Variants in E2F2 observed in about 807,000 individuals in gnomAD.
E2F2 encodes the protein transcription factor E2F2.
A neutral mutation model predicts 42.2 loss-of-function variants in E2F2; 22 were observed. The observed-to-expected ratio is 0.52, with a 90% CI of 0.37 to 0.74. The LOEUF is 0.74. Among genes scored for constraint, E2F2 ranks in the 30% least tolerant of loss-of-function variants. The pLI is 0.00. For synonymous variants in E2F2, 248 were observed against 251.6 expected (o/e 0.99, Z 0.13); for missense variants, 481 against 557.8 (o/e 0.86, Z 1.39).
At chr1:23,522,820 C>T (rs1225476406) in intron 2 of E2F2, among the ~76,000 whole-genome samples, 2 of 152,148 alleles carry the variant, frequency 1.3e-5, no homozygotes, top group African/African-American at 2.4e-5. Flanking sequence ...CTTTTGTAAT[C>T]GAGTGACTTC....
At chr1:23,511,276 A>G (rs1642903652) in intron 6 of E2F2, among the ~76,000 whole-genome samples, 1 of 151,132 alleles carries the variant, frequency 6.6e-6, no homozygotes, top group Non-Finnish European at 1.5e-5. Context: ...TGCCCAAGCT[A>G]GAGTACAGAG....
chr1:23,526,706 C>G (rs188622954), intron 1 of E2F2, among the ~76,000 whole-genome samples: 2 of 152,318 alleles, frequency 1.3e-5, no homozygotes, highest in African/African-American at 4.8e-5. Flanking sequence ...AAGGCCGGAG[C>G]CAGGGTTTGA....
chr1:23,523,179 A>C (rs1406798727), intron 2 of E2F2, among the ~76,000 whole-genome samples: 2 of 143,628 alleles, frequency 1.4e-5, no homozygotes, highest in Admixed American at 7.1e-5. Context: ...TTGGAGATGG[A>C]GTCTCACTCT....
chr1:23,523,952 T>C (rs569348379), intron 2 of E2F2, among the ~76,000 whole-genome samples: 8 of 152,130 alleles, frequency 5.3e-5, no homozygotes, highest in Middle Eastern at 3.4e-3. Flanking sequence ...CATGTACCTG[T>C]AGTCCCAGCT....
downstream of E2F2, among the ~76,000 whole-genome samples, chr1:23,505,733 T>C (rs1444863887): frequency 6.6e-6 from 1 of 152,170 alleles, no homozygotes; most frequent in East Asian, 1.9e-4. Flanking sequence ...CAGGATGATC[T>C]CAATCTCCTG....
At position 23,510,009 on chromosome 1, in the gene E2F2, C is replaced by A; in HGVS notation, c.1185G>T (p.Ala395=). The part of the protein sequence containing the change: ...TEDQFLSPTL[A]CSSPLISFSP... ...AGAAGCTGATCAGAGGGGAGCTGCA[C>A]GCCAGGGTCGGGGACAGGAACTGGT... The change falls in exon 7 of 7, where the codon GCG becomes GCT. Residue 395 remains alanine, a synonymous_variant. Coordinates refer to ENST00000361729, the MANE Select transcript of E2F2 (RefSeq NM_004091.4). 1 of 1,613,710 alleles carries A rather than the reference C, an allele frequency of 6.2e-7. No homozygotes were observed. The highest frequency in any genetic ancestry group is 8.5e-7 in the Non-Finnish European group (1 of 1,179,902).
chr1:23,522,267 A>G (rs951473361), intron 2 of E2F2, among the ~76,000 whole-genome samples: 8 of 152,238 alleles, frequency 5.3e-5, no homozygotes, highest in African/African-American at 1.9e-4. Context: ...TCTCACGGCC[A>G]ATGGGCAGTG....
chr1:23,519,527 GAAAAT>G (rs1643094636), intron 4 of E2F2: 1 of 155,272 alleles, frequency 6.4e-6, no homozygotes, highest in Non-Finnish European at 1.4e-5. Context: ...AATGATTTTG[GAAAAT>G]GTATGAAAGA....
intron 6 of E2F2, among the ~76,000 whole-genome samples, chr1:23,511,940 A>G (rs1036389563): frequency 1.3e-5 from 2 of 152,070 alleles, no homozygotes; most frequent in African/African-American, 2.4e-5. Context: ...GCTCATGCCT[A>G]TAATACCAGC....
At position 23,530,665 on chromosome 1, in the gene E2F2, G is replaced by A; in HGVS notation, c.129C>T (p.Thr43=). The A allele has an allele frequency of 1.9e-6, 3 of 1,613,334 alleles. No homozygotes were observed. In the South Asian group the frequency reaches 3.3e-5, roughly 18 times the overall value. The stretch of plus-strand genomic sequence containing the variant: ...TCTGCGGGTACAGCGGTGTGTAGTA[G>A]GTAGCAGTAGCTGGGCAGAGCTGGG... ...SSPQLCPATA[T]YYTPLYPQTA... is the part of the protein sequence containing the mutation. The change falls in exon 1 of 7, where the codon ACC becomes ACT. Residue 43 remains threonine (T), a synonymous_variant. Coordinates refer to ENST00000361729, the MANE Select transcript of E2F2 (RefSeq NM_004091.4). The surrounding 1 kb of genome is among the most constrained non-coding windows in gnomAD (Gnocchi z 4.4).
intron 1 of E2F2, among the ~76,000 whole-genome samples, chr1:23,528,426 G>T (rs952620210): frequency 6.6e-6 from 1 of 152,198 alleles, no homozygotes; most frequent in African/African-American, 2.4e-5. Context: ...CAGAGGGCAG[G>T]CCTGCCCACG....
chr1:23,530,644 C>T lies in E2F2; in HGVS notation c.150G>A (p.Pro50=), dbSNP rs955144521. Residue 50 remains proline, a synonymous_variant, in exon 1 of 7, where the codon CCG becomes CCA. Transcript: ENST00000361729. The surrounding 1 kb of genome is among the most constrained non-coding windows in gnomAD (Gnocchi z 4.4). ...GCGCCGCTGCGGGAGGCGCCGTCTG[C>T]GGGTACAGCGGTGTGTAGTAGGTAG... The part of the protein sequence containing the change: ...ATATYYTPLY[P]QTAPPAAAPG... 2 of 1,613,254 alleles carry T rather than the reference C, an allele frequency of 1.2e-6. No homozygotes were observed. Among genetic ancestry groups the T allele is most frequent in the South Asian group, 1.1e-5 (1 of 91,058 alleles).
At chr1:23,528,472 C>T (rs1480989665) in intron 1 of E2F2, among the ~76,000 whole-genome samples, 5 of 152,158 alleles carry the variant, frequency 3.3e-5, no homozygotes, top group African/African-American at 9.6e-5. Flanking sequence ...TTGACAGGAG[C>T]GGGAGCTCTG....
rs778584443 is a variant in E2F2, at chr1:23,510,135, C to T, written c.1059G>A (p.Ala353=). ...EPTASSVPAP[A]PTPQQAPPPP... The stretch of plus-strand genomic sequence containing the variant: ...GCGGTGGGGCCTGCTGGGGGGTTGG[C>T]GCTGGTGCTGGCACTGGAGACAAAC... Residue 353 remains alanine, a synonymous_variant, in exon 7 of 7, where the codon GCG becomes GCA. Transcript: ENST00000361729. 5.6e-6 allele frequency: 9 copies of T among 1,598,256 alleles called. No individual in the cohort carries two copies. The highest frequency in any genetic ancestry group is 6.8e-6 in the Non-Finnish European group (8 of 1,172,974).
chr1:23,507,990 A>G lies in E2F2; in HGVS notation c.*1890T>C, dbSNP rs149612946. On this transcript the variant is annotated 3_prime_UTR_variant, in exon 7 of 7. Transcript: ENST00000361729. Reference sequence around the variant, plus strand: ...GACCTCAGAGCAGCCCACTCACCACAAACGAGATCCTACACAGGGTCCCTG... The same window carrying G: ...GACCTCAGAGCAGCCCACTCACCACGAACGAGATCCTACACAGGGTCCCTG... 1 of 150,628 alleles carries G rather than the reference A, an allele frequency of 6.6e-6. No individual in the cohort carries two copies. Among genetic ancestry groups the G allele is most frequent in the East Asian group, 2.0e-4 (1 of 5,118 alleles). The allele number at this position is 150,628 out of a possible 1,614,324, so 9.3% of individuals were successfully genotyped here.
At chr1:23,524,104 C>CAAAAA (rs371670414) in intron 2 of E2F2, among the ~76,000 whole-genome samples, 2 of 133,208 alleles carry the variant, frequency 1.5e-5, no homozygotes, top group African/African-American at 5.8e-5. Flanking sequence ...ACAACAACAA[C>CAAAAA]AAAAAAAAAC....
chr1:23,528,643 C>A (rs895543512), intron 1 of E2F2, among the ~76,000 whole-genome samples: 1 of 152,188 alleles, frequency 6.6e-6, no homozygotes, highest in African/African-American at 2.4e-5. Context: ...GAGTGCCAAG[C>A]AGTGTCTGGC....
intron 5 of E2F2, among the ~76,000 whole-genome samples, chr1:23,518,728 C>T (rs759266666): frequency 1.3e-5 from 2 of 152,048 alleles, no homozygotes; most frequent in African/African-American, 2.4e-5. Flanking sequence ...GTATTGACAC[C>T]GTCATACGTG....
chr1:23,527,658 G>A (rs1201784125), intron 1 of E2F2, among the ~76,000 whole-genome samples: 2 of 152,250 alleles, frequency 1.3e-5, no homozygotes, highest in Non-Finnish European at 2.9e-5. Flanking sequence ...GGGGGTAGGA[G>A]CAAATGTAAG....
Sources: allele counts gnomAD v4.1 joint callset (sites outside exome capture counted in the v4.1 genomes callset), GRCh38; gene constraint gnomAD v4.1.1; non-coding constraint Gnocchi (gnomAD v3.1); transcripts MANE v1.5; gene names NCBI Gene and HGNC (gene_info 2026-07-23, HGNC 2026-07-21).